ADAMTSL1: variants seen among roughly 807,000 people sequenced by gnomAD.
ADAMTSL1 encodes the protein ADAMTS like 1.
Under a neutral mutation model 201.8 loss-of-function variants are expected in ADAMTSL1, and 126 were observed. The observed-to-expected ratio is 0.62, with a 90% CI of 0.54 to 0.72. ADAMTSL1 has a LOEUF of 0.72. Ranked by LOEUF, ADAMTSL1 falls within the 30% of genes least tolerant of loss-of-function variation. The pLI is 0.00. For synonymous variants in ADAMTSL1, 1,121 were observed against 903.4 expected, an observed-to-expected ratio of 1.24 and a Z score of -4.32; for missense variants, 2,679 against 2,277.8, an observed-to-expected ratio of 1.18 and a Z score of -3.59.
At chr9:17,982,593 C>G (rs140133860) in intron 1 of ADAMTSL1, among the ~76,000 whole-genome samples, 2,478 of 152,082 alleles carry the variant, frequency 0.016, 26 homozygotes, top group Non-Finnish European at 0.024. Flanking sequence ...GCCTGGGTGA[C>G]AGAGCAAGAC....
chr9:18,046,220 G>T (rs1473849195), intron 1 of ADAMTSL1, among the ~76,000 whole-genome samples: 1 of 152,162 alleles, frequency 6.6e-6, no homozygotes, highest in Admixed American at 6.5e-5. Flanking sequence ...GTAATGCAGA[G>T]ACTCAAAACA....
chr9:18,267,773 AAC>A lies in ADAMTSL1; in HGVS notation c.207+103794_207+103795del, dbSNP rs1491126627. On this transcript the variant is annotated intron_variant, in intron 2 of 29. Transcript: ENST00000680146. ...TACTCAAAGGCTATTAAAAAAAAAA[AAC>A]AAAAACAAAAACAAAAAAACCTTAA... Among the ~76,000 whole-genome samples the A allele has an allele frequency of 1.6e-4, 22 of 134,016 alleles. 1 individual carries two copies. The highest frequency in any genetic ancestry group is 3.2e-4 in the Non-Finnish European group (19 of 59,568). 87.9% of individuals were successfully genotyped at this position (134,016 alleles called of 152,430 possible). A position where few individuals can be genotyped will look rare whatever the true frequency, so the allele number is the denominator to read the frequency against.
chr9:18,447,356 G>C (rs1038041950), intron 2 of ADAMTSL1, among the ~76,000 whole-genome samples: 2 of 152,076 alleles, frequency 1.3e-5, no homozygotes, highest in Non-Finnish European at 2.9e-5. Context: ...TTTGGTGCTT[G>C]CTTTATTTTG....
chr9:18,902,780 A>G (rs981793971), intron 26 of ADAMTSL1, among the ~76,000 whole-genome samples: 21 of 152,196 alleles, frequency 1.4e-4, no homozygotes, highest in Admixed American at 2.6e-4. Context: ...GCAAAACCAA[A>G]AGTAAATTCT....
chr9:18,441,763 C>T (rs767371581), intron 2 of ADAMTSL1, among the ~76,000 whole-genome samples: 6 of 152,094 alleles, frequency 3.9e-5, no homozygotes, highest in Non-Finnish European at 5.9e-5. Context: ...ATGTAATGCT[C>T]TCAGCCTGGG....
intron 23 of ADAMTSL1, among the ~76,000 whole-genome samples, chr9:18,877,385 A>G (rs1248464400): frequency 1.3e-5 from 2 of 152,182 alleles, no homozygotes; most frequent in African/African-American, 4.8e-5. Flanking sequence ...CTGGGGCTCA[A>G]GGGCTGCTGT....
chr9:17,939,600 T>A (rs1379863832), intron 1 of ADAMTSL1, among the ~76,000 whole-genome samples: 1 of 152,182 alleles, frequency 6.6e-6, no homozygotes, highest in Non-Finnish European at 1.5e-5. Flanking sequence ...AATGAAAGGA[T>A]GATTATTATA....
intron 4 of ADAMTSL1, among the ~76,000 whole-genome samples, chr9:18,578,745 G>A (rs1822896663): frequency 6.6e-6 from 1 of 151,880 alleles, no homozygotes. Context: ...TATATACCCA[G>A]TAATGGGATG....
intron 26 of ADAMTSL1, among the ~76,000 whole-genome samples, chr9:18,901,556 C>T (rs1388081197): frequency 2.0e-5 from 3 of 152,096 alleles, no homozygotes; most frequent in African/African-American, 7.2e-5. Flanking sequence ...GAGTGGTATA[C>T]ATGTAGAGTT....
intron 2 of ADAMTSL1, among the ~76,000 whole-genome samples, chr9:18,517,366 T>A (rs1818417093): frequency 6.6e-6 from 1 of 152,292 alleles, no homozygotes; most frequent in Non-Finnish European, 1.5e-5. Context: ...TTTTTTACTT[T>A]GGTAGCTATT....
chr9:18,621,048 GA>G (rs1826005800), intron 4 of ADAMTSL1, among the ~76,000 whole-genome samples: 1 of 152,128 alleles, frequency 6.6e-6, no homozygotes, highest in Non-Finnish European at 1.5e-5. Flanking sequence ...CCAGATTTTT[GA>G]AAGGCAAGAC....
At chr9:18,653,286 C>T (rs1490803178) in intron 7 of ADAMTSL1, among the ~76,000 whole-genome samples, 1 of 152,176 alleles carries the variant, frequency 6.6e-6, no homozygotes, top group Non-Finnish European at 1.5e-5. Context: ...CATTGGTTTC[C>T]TGTCCTCCTC....
At chr9:18,321,862 G>T (rs566107207) in intron 2 of ADAMTSL1, among the ~76,000 whole-genome samples, 1 of 152,090 alleles carries the variant, frequency 6.6e-6, no homozygotes, top group Non-Finnish European at 1.5e-5. Context: ...TGCAGTTGGA[G>T]TATTTACCAA....
chr9:18,429,766 A>G (rs1819399728), intron 2 of ADAMTSL1, among the ~76,000 whole-genome samples: 3 of 151,916 alleles, frequency 2.0e-5, no homozygotes, highest in Admixed American at 2.0e-4. Flanking sequence ...TATTGACATG[A>G]TAGTAATACG....
At chr9:17,963,139 A>T (rs1012457072) in intron 1 of ADAMTSL1, among the ~76,000 whole-genome samples, 1 of 152,222 alleles carries the variant, frequency 6.6e-6, no homozygotes, top group Non-Finnish European at 1.5e-5. Context: ...TGGCCCAATT[A>T]TATCTAGCTC....
chr9:18,156,431 G>A (rs777219761), intron 1 of ADAMTSL1, among the ~76,000 whole-genome samples: 4 of 152,008 alleles, frequency 2.6e-5, no homozygotes, highest in African/African-American at 4.8e-5. Context: ...CCTAGATAAT[G>A]ATGTTGACCA....
intron 1 of ADAMTSL1, among the ~76,000 whole-genome samples, chr9:17,921,705 T>C (rs966860443): frequency 6.6e-6 from 1 of 152,164 alleles, no homozygotes; most frequent in Non-Finnish European, 1.5e-5. Flanking sequence ...AGATTTGTGT[T>C]CTAGAGGCCC....
At chr9:18,825,407 T>C (rs1173877271) in intron 21 of ADAMTSL1, among the ~76,000 whole-genome samples, 1 of 152,178 alleles carries the variant, frequency 6.6e-6, no homozygotes, top group Non-Finnish European at 1.5e-5. Flanking sequence ...CTTTTGTCCT[T>C]TTCCTGTGGT....
Position 18,574,091 on chromosome 9 carries a change from A to T in ADAMTSL1, c.299A>T (p.Lys100Met). 6.2e-7 allele frequency: 1 copy of T among 1,614,148 alleles called. No individual in the cohort carries two copies. Among genetic ancestry groups the T allele is most frequent in the East Asian group, 2.2e-5 (1 of 44,878 alleles). Residue 100 changes from lysine (K) to methionine (M), a missense_variant, in exon 4 of 29, where the codon AAG (lysine) becomes ATG (methionine). Transcript: ENST00000380548. ...CAATGCTCAGCTCATAATGATGTCA[A>T]GCACCATGGCCAGTTTTATGAATGG... The part of the protein sequence containing the change: ...AQQCSAHNDV[K>M]HHGQFYEWLP...
Sources: gnomAD v4.1 joint callset for allele counts (sites outside exome capture counted in the v4.1 genomes callset) on GRCh38, gnomAD v4.1.1 for gene constraint, MANE v1.5 for transcripts, NCBI Gene and HGNC (gene_info 2026-07-23, HGNC 2026-07-21) for gene names.